PRMT2: variants seen among roughly 807,000 people sequenced by gnomAD.
PRMT2 encodes the protein protein arginine methyltransferase 2.
In PRMT2, 26 loss-of-function variants were observed where a neutral mutation model predicts 57.6. The ratio of observed to expected loss-of-function variants is 0.45; its 90% CI spans 0.33 to 0.63. The LOEUF (loss-of-function observed/expected upper bound fraction) is 0.63. PRMT2 is among the 20% of genes least tolerant of loss of function. PRMT2 has a pLI of 0.02. For missense variants in PRMT2, 472 were observed against 564.4 expected (o/e 0.84, Z 1.66); for synonymous variants, 219 against 220.0 (o/e 1.00, Z 0.04).
chr21:46,643,991 C>CCT (rs1402701057), intron 4 of PRMT2, among the ~76,000 whole-genome samples: 1 of 152,192 alleles, frequency 6.6e-6, no homozygotes, highest in African/African-American at 2.4e-5. Flanking sequence ...TTAGAGTCAG[C>CCT]CTCCAGTAAC....
At chr21:46,639,293 G>T (rs1399978131) in intron 3 of PRMT2, among the ~76,000 whole-genome samples, 3 of 152,132 alleles carry the variant, frequency 2.0e-5, no homozygotes, top group Admixed American at 1.3e-4. Context: ...AGTGTTCCAT[G>T]AGTACTTGCA....
At chr21:46,656,237 C>T (rs934756409) in intron 7 of PRMT2, among the ~76,000 whole-genome samples, 6 of 152,216 alleles carry the variant, frequency 3.9e-5, no homozygotes, top group Non-Finnish European at 8.8e-5. Context: ...TTGCTTTCCA[C>T]CGTGAGGGGA....
chr21:46,644,897 C>T (rs190087060), intron 5 of PRMT2, among the ~76,000 whole-genome samples: 15 of 151,958 alleles, frequency 9.9e-5, no homozygotes, highest in Admixed American at 3.9e-4. Flanking sequence ...AGATTATGTG[C>T]GTGCTCCCTC....
At chr21:46,659,861 T>C (rs1251321379) in intron 8 of PRMT2, 1 of 985,448 alleles carries the variant, frequency 1.0e-6, no homozygotes, top group Non-Finnish European at 1.2e-6. Flanking sequence ...CATAGGTTTT[T>C]AGGGATATGT....
intron 7 of PRMT2, among the ~76,000 whole-genome samples, chr21:46,656,146 A>T (rs1209339668): frequency 6.6e-6 from 1 of 152,172 alleles, no homozygotes; most frequent in Non-Finnish European, 1.5e-5. Flanking sequence ...GGTCCCAACA[A>T]GAGCTGGTTG....
Position 46,661,803 on chromosome 21 carries a change from C to T in PRMT2, c.964C>T (p.Leu322=), listed in dbSNP as rs1165689728. 8 of 1,433,650 alleles carry T rather than the reference C, an allele frequency of 5.6e-6. No homozygotes were observed. The highest frequency in any genetic ancestry group is 7.4e-6 in the Non-Finnish European group (8 of 1,083,130). 88.8% of individuals were successfully genotyped at this position (1,433,650 alleles called of 1,614,324 possible). A position where few individuals can be genotyped will look rare whatever the true frequency, so the allele number is the denominator to read the frequency against. ...RTVQISDLET[L]RGELRFDIRK... ...CCTTGTCATCTGCTTGACCCAGACC[C>T]TGAGGGGCGAGCTGCGCTTCGACAT... The change falls in exon 10 of 12, where the codon CTG becomes TTG. Residue 322 remains leucine, a synonymous_variant. Transcript: ENST00000355680.
chr21:46,659,729 C>CAG (rs1384383385), intron 8 of PRMT2: 1 of 985,280 alleles, frequency 1.0e-6, no homozygotes, highest in African/African-American at 1.7e-5. Flanking sequence ...CAGTCACTGC[C>CAG]AGAGCCTCCC....
intron 7 of PRMT2, chr21:46,653,720 C>A: frequency 8.0e-7 from 1 of 1,243,208 alleles, no homozygotes; most frequent in Non-Finnish European, 1.0e-6. Flanking sequence ...CACACGCACA[C>A]ACACAAAACC....
intron 7 of PRMT2, chr21:46,653,780 C>T: frequency 9.0e-7 from 1 of 1,109,284 alleles, no homozygotes; most frequent in Non-Finnish European, 1.1e-6. Flanking sequence ...ATACAAAGTA[C>T]AGAGACATCT....
Position 46,657,374 on chromosome 21 carries a change from T to G in PRMT2, c.655-1371T>G, listed in dbSNP as rs1191525170. On this transcript the variant is annotated intron_variant, in intron 7 of 11. Coordinates refer to ENST00000355680, the MANE Select transcript of PRMT2 (RefSeq NM_206962.4). ...TGATTATACTAGCTCTCTTTATAAT[T>G]GCAAAAAAAAAAAAAACAAAACCTG... is the stretch of plus-strand genomic sequence containing the variant. The G allele has an allele frequency of 3.4e-5, 3 of 89,024 alleles. 1 individual carries two copies. 5.5% of individuals were successfully genotyped at this position (89,024 alleles called of 1,614,324 possible). A position where few individuals can be genotyped will look rare whatever the true frequency, so the allele number is the denominator to read the frequency against.
intron 9 of PRMT2, chr21:46,661,353 CCT>C (rs1346129469): frequency 6.0e-6 from 1 of 166,418 alleles, no homozygotes; most frequent in Non-Finnish European, 1.3e-5. Flanking sequence ...TCCGTGAATC[CCT>C]GTCTGTGGCC....
intron 3 of PRMT2, chr21:46,643,277 C>A: frequency 4.5e-6 from 2 of 447,716 alleles, no homozygotes; most frequent in Non-Finnish European, 6.4e-6. Context: ...CAAATAGACA[C>A]TAGTGGTGCC....
chr21:46,652,864 G>A, intron 7 of PRMT2: 2 of 1,300,740 alleles, frequency 1.5e-6, no homozygotes, highest in Middle Eastern at 4.3e-4. Context: ...GATCTTGCTT[G>A]TTCTCCTGAG....
intron 3 of PRMT2, among the ~76,000 whole-genome samples, chr21:46,638,523 C>G (rs1409435695): frequency 6.6e-6 from 1 of 152,204 alleles, no homozygotes; most frequent in African/African-American, 2.4e-5. Flanking sequence ...TTGCAAGTTT[C>G]AGTTTTACTG....
At chr21:46,663,868 C>A (rs980621566) in intron 11 of PRMT2, among the ~76,000 whole-genome samples, 1 of 152,184 alleles carries the variant, frequency 6.6e-6, no homozygotes, top group Non-Finnish European at 1.5e-5. Context: ...CCCAGATGGA[C>A]AGAAGCCTGA....
intron 11 of PRMT2, 110 bp from the exon 12 acceptor site, chr21:46,664,185 T>C: frequency 1.1e-6 from 1 of 873,778 alleles, no homozygotes; most frequent in Non-Finnish European, 1.8e-6. Flanking sequence ...TTTAAAAAAA[T>C]TCTGCACCTG....
In PRMT2 at chr21:46,661,784, C is replaced by T; in HGVS notation, c.961-16C>T. 7.3e-7 allele frequency: 1 copy of T among 1,363,144 alleles called. No homozygotes were observed. Among genetic ancestry groups the T allele is most frequent in the Admixed American group, 3.1e-5 (1 of 31,960 alleles). The allele number at this position is 1,363,144 out of a possible 1,614,324, so 84.4% of individuals were successfully genotyped here. On this transcript the variant is annotated splice_polypyrimidine_tract_variant and intron_variant, in intron 9 of 11. Transcript: ENST00000355680. ...CACGCGGTGCCCACGCGTGCCTTGT[C>T]ATCTGCTTGACCCAGACCCTGAGGG...
chr21:46,659,587 G>A (rs550137343), intron 8 of PRMT2: 9 of 968,130 alleles, frequency 9.3e-6, no homozygotes, highest in Admixed American at 1.2e-4. Context: ...GTTAAAATGC[G>A]AATTAAAATA....
Position 46,664,924 on chromosome 21 carries a change from A to G in PRMT2, c.*597A>G, listed in dbSNP as rs1170780054. ...TGTGTTGGTCCATCGCACATGCTCAATAAATATTTTTAAATGAGTGAATGT... is the reference window on the plus strand; with the variant it reads ...TGTGTTGGTCCATCGCACATGCTCAGTAAATATTTTTAAATGAGTGAATGT... On this transcript the variant is annotated 3_prime_UTR_variant, in exon 12 of 12. Transcript: ENST00000355680. 4 of 153,200 alleles carry G rather than the reference A, an allele frequency of 2.6e-5. No homozygotes were observed. The highest frequency in any genetic ancestry group is 9.6e-5 in the African/African-American group (4 of 41,474). 9.5% of individuals were successfully genotyped at this position (153,200 alleles called of 1,614,324 possible). A position where few individuals can be genotyped will look rare whatever the true frequency, so the allele number is the denominator to read the frequency against.
Sources: allele counts gnomAD v4.1 joint callset (sites outside exome capture counted in the v4.1 genomes callset), GRCh38; gene constraint gnomAD v4.1.1; transcripts MANE v1.5; gene names NCBI Gene and HGNC (gene_info 2026-07-23, HGNC 2026-07-21).